The following TRAPPC12 variants were observed in gnomAD, a reference collection of about 807,000 sequenced individuals.
TRAPPC12 encodes the protein TPR repeat protein 15.
Under a neutral mutation model 69.2 loss-of-function variants are expected in TRAPPC12, and 61 were observed. The observed-to-expected ratio is 0.88, with a 90% CI of 0.72 to 1.09. The LOEUF (loss-of-function observed/expected upper bound fraction) is 1.09. Ranked by LOEUF, TRAPPC12 falls within the 50% of genes least tolerant of loss-of-function variation. The pLI, the probability that TRAPPC12 is intolerant of heterozygous loss-of-function variation, is 0.00. For missense variants in TRAPPC12, 1,101 were observed against 1,016.4 expected (o/e 1.08, Z -1.13); for synonymous variants, 469 against 438.9 (o/e 1.07, Z -0.86).
intron 3 of TRAPPC12, among the ~76,000 whole-genome samples, chr2:3,409,679 C>A (rs1023127441): frequency 1.4e-5 from 2 of 142,042 alleles, no homozygotes; most frequent in South Asian, 2.3e-4. Context: ...GAGCCCAGGC[C>A]GTGGAGGCTG....
At chr2:3,415,040 T>G (rs938655497) in intron 3 of TRAPPC12, among the ~76,000 whole-genome samples, 1 of 152,108 alleles carries the variant, frequency 6.6e-6, no homozygotes, top group Non-Finnish European at 1.5e-5. Context: ...ATGGATTTGG[T>G]ATCCCAGGAG....
intron 5 of TRAPPC12, among the ~76,000 whole-genome samples, chr2:3,441,304 G>C (rs916703341): frequency 5.3e-5 from 8 of 152,198 alleles, no homozygotes; most frequent in African/African-American, 1.9e-4. Flanking sequence ...TTCACAGTGA[G>C]ACCATCTGGG....
intron 9 of TRAPPC12, among the ~76,000 whole-genome samples, chr2:3,469,441 A>G (rs1432768496): frequency 2.2e-4 from 34 of 152,260 alleles, no homozygotes; most frequent in Admixed American, 2.2e-3. Context: ...GGTTGCAGTC[A>G]GTGGAATCCG....
rs935347689 is a variant in TRAPPC12 at position 3,457,984 on chromosome 2, C to A, written c.1603+291C>A. The A allele has an allele frequency of 1.4e-5, 17 of 1,258,532 alleles. No homozygotes were observed. The East Asian group carries it at 5.0e-4, about 37-fold the overall frequency. The allele number at this position is 1,258,532 out of a possible 1,614,324, so 78.0% of individuals were successfully genotyped here. On this transcript the variant is annotated intron_variant, in intron 7 of 11. Coordinates refer to ENST00000324266, the MANE Select transcript of TRAPPC12 (RefSeq NM_016030.6). Reference sequence around the variant, plus strand: ...TGCCACGCTGAGTGGTCTGAGTGGGCGCGAGGAAGGAGCCCAGCCCAGCCG... The same window carrying A: ...TGCCACGCTGAGTGGTCTGAGTGGGAGCGAGGAAGGAGCCCAGCCCAGCCG...
At chr2:3,397,864 T>C (rs901965169) in intron 2 of TRAPPC12, among the ~76,000 whole-genome samples, 1 of 152,188 alleles carries the variant, frequency 6.6e-6, no homozygotes, top group Non-Finnish European at 1.5e-5. Context: ...CCACCCGCCT[T>C]AACCTCCTTG....
At chr2:3,388,703 G>A in intron 2 of TRAPPC12, 33 bp downstream of exon 2, 1 of 1,498,544 alleles carries the variant, frequency 6.7e-7, no homozygotes. Flanking sequence ...CGCAGCCCGT[G>A]CCTCCTCTCT....
chr2:3,452,061 C>T (rs1664879689), intron 6 of TRAPPC12, among the ~76,000 whole-genome samples: 1 of 152,134 alleles, frequency 6.6e-6, no homozygotes, highest in South Asian at 2.1e-4. Context: ...GCTTCTGGGT[C>T]GCACTGGCTC....
intron 4 of TRAPPC12, 24 bp downstream of exon 4, chr2:3,422,018 G>A (rs1009046726): frequency 1.3e-6 from 2 of 1,571,510 alleles, no homozygotes; most frequent in Admixed American, 1.8e-5. Flanking sequence ...TCAGGTGCTG[G>A]AGTTTAACCT....
chr2:3,430,250 A>G (rs748894521), intron 5 of TRAPPC12, among the ~76,000 whole-genome samples: 1 of 152,180 alleles, frequency 6.6e-6, no homozygotes, highest in Non-Finnish European at 1.5e-5. Flanking sequence ...TTCCCTTTGT[A>G]CATGTTCAGG....
chr2:3,427,607 G>C (rs1277714496), intron 5 of TRAPPC12, among the ~76,000 whole-genome samples: 1 of 152,192 alleles, frequency 6.6e-6, no homozygotes, highest in Non-Finnish European at 1.5e-5. Context: ...ATCCAGCTTG[G>C]CTGGGTACAG....
Position 3,387,890 on chromosome 2 carries a change from G to A in TRAPPC12, c.267G>A (p.Arg89=), listed in dbSNP as rs765086862. The change falls in exon 2 of 12, where the codon CGG becomes CGA. Residue 89 remains arginine (R), a synonymous_variant. Coordinates refer to ENST00000324266, the MANE Select transcript of TRAPPC12 (RefSeq NM_016030.6). ...EGDAGDLGRV[R]DEAEPGGEGD... The stretch of plus-strand genomic sequence containing the variant: ...ACGCGGGCGACCTGGGCCGAGTGCG[G>A]GACGAAGCTGAGCCCGGAGGGGAAG... 3.2e-6 allele frequency: 5 copies of A among 1,571,112 alleles called. No individual in the cohort carries two copies. The highest frequency in any genetic ancestry group is 1.2e-5 in the South Asian group (1 of 86,056).
chr2:3,470,800 G>GA lies in TRAPPC12; in HGVS notation c.1776+5112dup, dbSNP rs377189845. On this transcript the variant is annotated intron_variant, in intron 9 of 11. Transcript: ENST00000324266. Reference sequence around the variant, plus strand: ...ATTTTAATTCTAAAGAGTGGAAATAGAAAAAAATGATTTTGCTAAAACAAA... The same window carrying GA: ...ATTTTAATTCTAAAGAGTGGAAATAGAAAAAAAATGATTTTGCTAAAACAAA... Among the ~76,000 whole-genome samples the GA allele has an allele frequency of 4.6e-3, 696 of 152,238 alleles. 7 individuals carry two copies. The highest frequency in any genetic ancestry group is 0.016 in the African/African-American group (673 of 41,544).
intron 6 of TRAPPC12, among the ~76,000 whole-genome samples, chr2:3,448,893 A>G (rs1316015387): frequency 6.6e-6 from 1 of 152,076 alleles, no homozygotes; most frequent in Non-Finnish European, 1.5e-5. Context: ...TTGAAGATTC[A>G]TCAAAGACTG....
intron 5 of TRAPPC12, among the ~76,000 whole-genome samples, chr2:3,433,645 T>C (rs796168055): frequency 1.1e-4 from 17 of 152,340 alleles, no homozygotes; most frequent in African/African-American, 3.8e-4. Context: ...GCCCGGGCAA[T>C]TCCTGGCACA....
At chr2:3,466,457 C>A in intron 9 of TRAPPC12, 1 of 459,368 alleles carries the variant, frequency 2.2e-6, no homozygotes, top group African/African-American at 2.0e-5. Flanking sequence ...TACAGATCAG[C>A]AAACTGAGGT....
At chr2:3,434,351 G>A (rs1036325763) in intron 5 of TRAPPC12, among the ~76,000 whole-genome samples, 1 of 152,160 alleles carries the variant, frequency 6.6e-6, no homozygotes, top group Non-Finnish European at 1.5e-5. Context: ...TTTCTAGGAA[G>A]GGGTGTTTTT....
Position 3,450,578 on chromosome 2 carries a change from G to A in TRAPPC12, c.1530+6687G>A, listed in dbSNP as rs11892247. ...CGAGGGGGCGCACGTCAGTGACCTC[G>A]CATGGTGCCTGCCAGGCACGTGGTC... On this transcript the variant is annotated intron_variant, in intron 6 of 11. Coordinates refer to ENST00000324266, the MANE Select transcript of TRAPPC12 (RefSeq NM_016030.6). Among the ~76,000 whole-genome samples the A allele has an allele frequency of 4.5e-3, 682 of 152,276 alleles. 4 individuals are homozygous for A. Among genetic ancestry groups the A allele is most frequent in the African/African-American group, 0.016 (654 of 41,542 alleles).
chr2:3,445,017 T>C (rs960606762), intron 6 of TRAPPC12, among the ~76,000 whole-genome samples: 1 of 152,214 alleles, frequency 6.6e-6, no homozygotes, highest in Non-Finnish European at 1.5e-5. Flanking sequence ...TAACTTGAAA[T>C]TGAGAAGTTC....
chr2:3,455,155 A>C (rs1240358736), intron 6 of TRAPPC12: 2 of 152,234 alleles, frequency 1.3e-5, no homozygotes, highest in Non-Finnish European at 2.9e-5. Context: ...TGCCTCTGTG[A>C]TAGGTGTCCC....
Sources: allele counts gnomAD v4.1 joint callset (sites outside exome capture counted in the v4.1 genomes callset), GRCh38; gene constraint gnomAD v4.1.1; transcripts MANE v1.5; gene names NCBI Gene and HGNC (gene_info 2026-07-23, HGNC 2026-07-21).